LRFN5: variants seen among roughly 807,000 people sequenced by gnomAD.
LRFN5 encodes the protein leucine rich repeat and fibronectin type III domain containing 5.
In LRFN5, 24 loss-of-function variants were observed where a neutral mutation model predicts 45.6. That is an observed-to-expected ratio of 0.53 (90% CI 0.38 to 0.74). The LOEUF (loss-of-function observed/expected upper bound fraction) is 0.74, where lower values mean the gene tolerates loss of function less well. Among genes scored for constraint, LRFN5 ranks in the 30% least tolerant of loss-of-function variants. The pLI, the probability that LRFN5 is intolerant of heterozygous loss-of-function variation, is 0.00. For missense variants in LRFN5, 776 were observed against 861.5 expected, an observed-to-expected ratio of 0.90 and a Z score of 1.24; for synonymous variants, 340 against 313.8, an observed-to-expected ratio of 1.08 and a Z score of -0.88.
intron 1 of LRFN5, among the ~76,000 whole-genome samples, chr14:41,679,212 G>C (rs1881775722): frequency 6.6e-6 from 1 of 152,182 alleles, no homozygotes; most frequent in African/African-American, 2.4e-5. Context: ...AATTTCTGGA[G>C]CTGTGCTGGG....
chr14:41,692,411 A>G (rs1882416949), intron 1 of LRFN5, among the ~76,000 whole-genome samples: 2 of 151,940 alleles, frequency 1.3e-5, no homozygotes, highest in South Asian at 4.2e-4. Flanking sequence ...TACCCTTTTA[A>G]TTTTCTTTTT....
chr14:41,664,673 GA>G (rs1386662029), intron 1 of LRFN5, among the ~76,000 whole-genome samples: 1 of 150,978 alleles, frequency 6.6e-6, no homozygotes, highest in Non-Finnish European at 1.5e-5. Context: ...GAGAAATAAT[GA>G]AAAATAAATA....
At chr14:41,853,352 A>C (rs994623361) in intron 2 of LRFN5, among the ~76,000 whole-genome samples, 2 of 152,026 alleles carry the variant, frequency 1.3e-5, no homozygotes, top group Non-Finnish European at 2.9e-5. Context: ...TGGGAAATTA[A>C]GCATTTCAAG....
intron 1 of LRFN5, among the ~76,000 whole-genome samples, chr14:41,613,922 A>G (rs369679839): frequency 2.2e-3 from 334 of 151,362 alleles, no homozygotes; most frequent in African/African-American, 8.0e-3. Flanking sequence ...CTTCATTTTT[A>G]CTCCTTATTT....
chr14:41,677,732 G>A (rs1203389381), intron 1 of LRFN5, among the ~76,000 whole-genome samples: 1 of 151,942 alleles, frequency 6.6e-6, no homozygotes, highest in Non-Finnish European at 1.5e-5. Context: ...AAAGAAAATT[G>A]AATAAGAAAT....
At position 41,650,896 on chromosome 14, in the gene LRFN5, AGAGGGAGGGAGGGAGGGAGG is replaced by A. The variant is rs58845118; in HGVS notation, c.-197+42350_-197+42369del. On this transcript the variant is annotated intron_variant, in intron 1 of 5. Coordinates refer to ENST00000298119, the MANE Select transcript of LRFN5 (RefSeq NM_152447.5). ...CAAAGAGACAGAGAAAGAGAGAGAG[AGAGGGAGGGAGGGAGGGAGG>A]GAGGGAGGGAGGGAGAGGGAGAGGA... 4.1e-4 allele frequency among the ~76,000 whole-genome samples: 33 copies of A among 80,908 alleles called. 1 individual carries two copies. In the South Asian group the frequency reaches 0.016, roughly 39 times the overall value. The allele number at this position is 80,908 out of a possible 152,430, so 53.1% of individuals were successfully genotyped here. A position where few individuals can be genotyped will look rare whatever the true frequency, so the allele number is the denominator to read the frequency against.
intron 1 of LRFN5, among the ~76,000 whole-genome samples, chr14:41,611,466 T>C (rs916715824): frequency 2.0e-5 from 3 of 152,184 alleles, no homozygotes; most frequent in Non-Finnish European, 4.4e-5. Context: ...ACTTCAGGTA[T>C]TGATAGGAAA....
At chr14:41,721,651 C>G (rs72686527) in intron 1 of LRFN5, among the ~76,000 whole-genome samples, 1 of 151,990 alleles carries the variant, frequency 6.6e-6, no homozygotes, top group Non-Finnish European at 1.5e-5. Flanking sequence ...ATATGATATT[C>G]TGGGTTTTAA....
intron 2 of LRFN5, among the ~76,000 whole-genome samples, chr14:41,786,017 TG>T (rs1251906341): frequency 6.7e-6 from 1 of 148,574 alleles, no homozygotes; most frequent in Non-Finnish European, 1.5e-5. Flanking sequence ...TTCCCTGCCC[TG>T]GGGTTGGGGA....
intron 1 of LRFN5, among the ~76,000 whole-genome samples, chr14:41,635,409 C>T (rs778668431): frequency 1.3e-5 from 2 of 152,050 alleles, no homozygotes; most frequent in Non-Finnish European, 2.9e-5. Context: ...CCCAAATACT[C>T]AAGTGTCATA....
At chr14:41,638,232 T>C (rs1174136092) in intron 1 of LRFN5, among the ~76,000 whole-genome samples, 1 of 151,986 alleles carries the variant, frequency 6.6e-6, no homozygotes, top group Admixed American at 6.6e-5. Flanking sequence ...AAAATGTCAA[T>C]ATATTTTCAT....
intron 2 of LRFN5, among the ~76,000 whole-genome samples, chr14:41,835,487 T>G (rs976055897): frequency 6.6e-6 from 1 of 152,132 alleles, no homozygotes; most frequent in Admixed American, 6.5e-5. Context: ...TAACTTCCAG[T>G]AGGGTTAAAT....
intron 1 of LRFN5, among the ~76,000 whole-genome samples, chr14:41,687,658 T>C (rs780768783): frequency 8.5e-5 from 13 of 152,186 alleles, no homozygotes; most frequent in Non-Finnish European, 1.8e-4. Context: ...TATGCAGCCA[T>C]AGAAAGCAAT....
At chr14:41,640,308 T>C (rs936380052) in intron 1 of LRFN5, among the ~76,000 whole-genome samples, 1 of 152,118 alleles carries the variant, frequency 6.6e-6, no homozygotes, top group African/African-American at 2.4e-5. Context: ...CATACACTTT[T>C]TATGTCAAGC....
rs143507166 is a variant in LRFN5 at position 41,808,916 on chromosome 14, G to T, written c.-21+41887G>T. ...GATTATAATATTGTCCCAAAGTATA[G>T]GTTTCTAGGCACTTTACTTGATCAG... On this transcript the variant is annotated intron_variant, in intron 2 of 5. Transcript: ENST00000298119. 8.4e-4 allele frequency among the ~76,000 whole-genome samples: 128 copies of T among 152,080 alleles called. 1 individual carries two copies. The highest frequency in any genetic ancestry group is 2.9e-3 in the African/African-American group (120 of 41,520).
At chr14:41,754,855 T>G (rs1885302898) in intron 1 of LRFN5, among the ~76,000 whole-genome samples, 1 of 152,204 alleles carries the variant, frequency 6.6e-6, no homozygotes, top group Non-Finnish European at 1.5e-5. Flanking sequence ...AATTGTGATG[T>G]TAGGGTGTCG....
At chr14:41,885,462 A>G (rs886673508) in intron 2 of LRFN5, among the ~76,000 whole-genome samples, 2 of 152,154 alleles carry the variant, frequency 1.3e-5, no homozygotes, top group Non-Finnish European at 2.9e-5. Context: ...CAGAAAAATG[A>G]AAATTGTCAA....
rs561143561 is a variant in LRFN5 at position 41,665,562 on chromosome 14, G to A, written c.-197+57000G>A. Among the ~76,000 whole-genome samples, 11 of 151,624 alleles carry A rather than the reference G, an allele frequency of 7.3e-5. No individual in the cohort carries two copies. In the East Asian group the frequency reaches 2.1e-3, roughly 29 times the overall value. On this transcript the variant is annotated intron_variant, in intron 1 of 5. Coordinates refer to ENST00000298119, the MANE Select transcript of LRFN5 (RefSeq NM_152447.5). ...TATAATTATCATAGTTACAGCAAAAGTATCATAATAAGACAGACGTATTTG... is the reference window on the plus strand; with the variant it reads ...TATAATTATCATAGTTACAGCAAAAATATCATAATAAGACAGACGTATTTG...
intron 1 of LRFN5, among the ~76,000 whole-genome samples, chr14:41,712,961 G>A (rs971517847): frequency 6.6e-6 from 1 of 151,794 alleles, no homozygotes; most frequent in African/African-American, 2.4e-5. Flanking sequence ...TAAAACAAAT[G>A]TAAAGAGAAA....
Sources: gnomAD v4.1 joint callset for allele counts (sites outside exome capture counted in the v4.1 genomes callset) on GRCh38, gnomAD v4.1.1 for gene constraint, MANE v1.5 for transcripts, NCBI Gene and HGNC (gene_info 2026-07-23, HGNC 2026-07-21) for gene names.